The following CTNND2 variants were observed in gnomAD, a reference collection of about 807,000 sequenced individuals.
CTNND2 encodes the protein catenin delta-2.
A neutral mutation model predicts 144.4 loss-of-function variants in CTNND2; 22 were observed. The ratio of observed to expected loss-of-function variants is 0.15; its 90% CI spans 0.11 to 0.22. The LOEUF is 0.22. CTNND2 is among the 10% of genes least tolerant of loss of function. The probability of loss-of-function intolerance (pLI) is 1.00; values close to 1 mark genes in which losing one functional copy is unlikely to be tolerated. For missense variants in CTNND2, 1,353 were observed against 1,618.8 expected (o/e 0.84, Z 2.82); for synonymous variants, 751 against 695.6 (o/e 1.08, Z -1.25).
At chr5:11,357,558 A>G (rs978579907) in intron 8 of CTNND2, among the ~76,000 whole-genome samples, 1 of 151,750 alleles carries the variant, frequency 6.6e-6, no homozygotes, top group Non-Finnish European at 1.5e-5. Context: ...AGGGGAGAGA[A>G]TGGCCAATGG....
chr5:11,629,571 T>C (rs764253058), intron 2 of CTNND2, among the ~76,000 whole-genome samples: 15 of 152,140 alleles, frequency 9.9e-5, no homozygotes, highest in Non-Finnish European at 1.8e-4. Context: ...AAAGATGGAG[T>C]AACACCAGTG....
intron 8 of CTNND2, among the ~76,000 whole-genome samples, chr5:11,355,690 G>A (rs1393356086): frequency 6.6e-6 from 1 of 152,044 alleles, no homozygotes; most frequent in Non-Finnish European, 1.5e-5. Context: ...AGAGTGATTA[G>A]GCAAGAAACA....
intron 15 of CTNND2, among the ~76,000 whole-genome samples, chr5:11,090,265 G>A (rs1166947842): frequency 6.6e-6 from 1 of 152,234 alleles, no homozygotes; most frequent in Non-Finnish European, 1.5e-5. Context: ...CCTCTGTGAA[G>A]TTGACTGCTC....
intron 1 of CTNND2, among the ~76,000 whole-genome samples, chr5:11,866,489 A>T (rs1795775128): frequency 6.6e-6 from 1 of 152,194 alleles, no homozygotes; most frequent in African/African-American, 2.4e-5. Context: ...AAATGGAAGT[A>T]TGGGCCAAGG....
chr5:11,404,727 C>T (rs1760948208), intron 5 of CTNND2, among the ~76,000 whole-genome samples: 1 of 144,398 alleles, frequency 6.9e-6, no homozygotes, highest in Non-Finnish European at 1.5e-5. Flanking sequence ...AAGCGATTCT[C>T]CTGCCTCAGC....
At position 11,264,501 on chromosome 5, in the gene CTNND2, A is replaced by G. The variant is rs930541134; in HGVS notation, c.1629-27678T>C. ...AGGGAAGTGAGGTTGAAAGTTTACA[A>G]TCTTGTAGAAAAATCACACAGTGAA... On this transcript the variant is annotated intron_variant, in intron 9 of 21. Coordinates refer to ENST00000304623, the MANE Select transcript of CTNND2 (RefSeq NM_001332.4). Among the ~76,000 whole-genome samples the G allele has an allele frequency of 1.2e-4, 18 of 152,320 alleles. 1 individual carries two copies. Among genetic ancestry groups the G allele is most frequent in the Admixed American group, 5.9e-4 (9 of 15,298 alleles).
At chr5:11,150,470 T>C (rs1304188540) in intron 12 of CTNND2, among the ~76,000 whole-genome samples, 1 of 152,136 alleles carries the variant, frequency 6.6e-6, no homozygotes, top group Non-Finnish European at 1.5e-5. Context: ...CAAATATTCT[T>C]GGTTAATTAA....
intron 1 of CTNND2, among the ~76,000 whole-genome samples, chr5:11,829,917 G>T (rs184084794): frequency 1.5e-3 from 226 of 152,310 alleles, no homozygotes; most frequent in Non-Finnish European, 2.9e-3. Flanking sequence ...GTGTGGAGCT[G>T]CCCAAGACCA....
intron 9 of CTNND2, among the ~76,000 whole-genome samples, chr5:11,272,522 C>A (rs1746127643): frequency 6.6e-6 from 1 of 152,150 alleles, no homozygotes; most frequent in African/African-American, 2.4e-5. Context: ...AAACAAAACC[C>A]AATTTTTCCT....
chr5:11,149,605 T>A (rs1757558561), intron 12 of CTNND2, among the ~76,000 whole-genome samples: 1 of 152,098 alleles, frequency 6.6e-6, no homozygotes, highest in South Asian at 2.1e-4. Flanking sequence ...TGCTTGTTAA[T>A]GGGGAGCGAT....
At chr5:11,684,391 C>A (rs113182801) in intron 2 of CTNND2, among the ~76,000 whole-genome samples, 6 of 152,020 alleles carry the variant, frequency 3.9e-5, no homozygotes, top group Admixed American at 3.9e-4. Flanking sequence ...CGTGAGCCAC[C>A]GCAGCCGGCC....
intron 16 of CTNND2, among the ~76,000 whole-genome samples, chr5:11,025,479 T>C (rs796645249): frequency 3.9e-5 from 6 of 152,348 alleles, no homozygotes; most frequent in African/African-American, 1.4e-4. Context: ...TGTATGTTTA[T>C]AACAGTAGTT....
intron 1 of CTNND2, among the ~76,000 whole-genome samples, chr5:11,779,871 A>T (rs915961044): frequency 6.6e-6 from 1 of 152,206 alleles, no homozygotes; most frequent in African/African-American, 2.4e-5. Context: ...GTAAGAGTCC[A>T]TCATCATTCC....
intron 1 of CTNND2, among the ~76,000 whole-genome samples, chr5:11,873,376 G>A (rs1735308942): frequency 6.6e-6 from 1 of 152,164 alleles, no homozygotes. Context: ...AAATAAGGCA[G>A]CATGCAGAGG....
At chr5:11,788,411 G>A (rs1790953050) in intron 1 of CTNND2, among the ~76,000 whole-genome samples, 1 of 152,048 alleles carries the variant, frequency 6.6e-6, no homozygotes, top group South Asian at 2.1e-4. Flanking sequence ...AATATTTAGG[G>A]CCTTTAATCA....
At chr5:11,264,623 C>A (rs1271125335) in intron 9 of CTNND2, among the ~76,000 whole-genome samples, 1 of 152,166 alleles carries the variant, frequency 6.6e-6, no homozygotes, top group Non-Finnish European at 1.5e-5. Context: ...AACAATTCTG[C>A]ACTTTTGTTA....
chr5:11,598,701 A>G (rs6871807), intron 2 of CTNND2, among the ~76,000 whole-genome samples: 1,757 of 152,272 alleles, frequency 0.012, 31 homozygotes, highest in African/African-American at 0.041. Flanking sequence ...TTCTCCATGA[A>G]AACTGATGAA....
intron 2 of CTNND2, among the ~76,000 whole-genome samples, chr5:11,590,306 G>T (rs1284413840): frequency 6.6e-6 from 1 of 152,132 alleles, no homozygotes; most frequent in Non-Finnish European, 1.5e-5. Context: ...GCCTCCCGAA[G>T]TGCTGGGATT....
At chr5:10,997,992 C>A (rs1739533960) in intron 18 of CTNND2, among the ~76,000 whole-genome samples, 1 of 152,162 alleles carries the variant, frequency 6.6e-6, no homozygotes, top group African/African-American at 2.4e-5. Flanking sequence ...TGTTGCTCAG[C>A]AACTCAGATT....
Sources: allele counts gnomAD v4.1 joint callset (sites outside exome capture counted in the v4.1 genomes callset), GRCh38; gene constraint gnomAD v4.1.1; transcripts MANE v1.5; gene names NCBI Gene and HGNC (gene_info 2026-07-23, HGNC 2026-07-21).